DCTD: variants seen among roughly 807,000 people sequenced by gnomAD.
DCTD encodes deoxycytidylate deaminase.
Under a neutral mutation model 21.0 loss-of-function variants are expected in DCTD, and 23 were observed. The observed-to-expected ratio is 1.09, with a 90% confidence interval of 0.79 to 1.55. The LOEUF is 1.55. Ranked by LOEUF, DCTD falls within the 40% of genes most tolerant of loss-of-function variation. The pLI, the probability that DCTD is intolerant of heterozygous loss-of-function variation, is 0.00. For synonymous variants in DCTD, 71 were observed against 81.1 expected, an observed-to-expected ratio of 0.88 and a Z score of 0.67; for missense variants, 224 against 230.0, an observed-to-expected ratio of 0.97 and a Z score of 0.17.
rs1736947623 is a variant in DCTD at position 182,907,546 on chromosome 4, C to A, written c.244+7377G>T. On this transcript the variant is annotated intron_variant, in intron 3 of 5. Coordinates refer to ENST00000438320, the MANE Select transcript of DCTD (RefSeq NM_001921.3). ...TGACTGTCCCCTCCTATTCATGCATCCTATCTCCATATGGTCTATATTCAT... is the reference window on the plus strand; with the variant it reads ...TGACTGTCCCCTCCTATTCATGCATACTATCTCCATATGGTCTATATTCAT... Among the ~76,000 whole-genome samples, 5 of 152,128 alleles carry A rather than the reference C, an allele frequency of 3.3e-5. No homozygotes were observed. The South Asian group carries it at 8.3e-4, about 25-fold the overall frequency.
intron 3 of DCTD, 108 bp downstream of exon 3, chr4:182,914,815 T>C: frequency 1.5e-6 from 2 of 1,304,766 alleles, no homozygotes; most frequent in African/African-American, 1.5e-5. Context: ...TACTTTTCTT[T>C]CCAGTTGTTG....
At chr4:182,907,385 G>A (rs1213218680) in intron 3 of DCTD, among the ~76,000 whole-genome samples, 1 of 152,156 alleles carries the variant, frequency 6.6e-6, no homozygotes, top group Non-Finnish European at 1.5e-5. Flanking sequence ...CGATCCACCT[G>A]CCTCGGCTTC....
At chr4:182,913,396 T>A (rs1738073040) in intron 3 of DCTD, among the ~76,000 whole-genome samples, 1 of 152,224 alleles carries the variant, frequency 6.6e-6, no homozygotes, top group South Asian at 2.1e-4. Flanking sequence ...AGTCCTCAGT[T>A]CCTCCTCTCT....
rs757823170 is a variant in DCTD, at chr4:182,915,524, C to G, written c.45G>C (p.Trp15Cys). The change falls in exon 2 of 6, where the codon TGG becomes TGC. Residue 15 changes from tryptophan (W) to cysteine (C), a missense_variant. Transcript: ENST00000438320. ...SCKKRDDYLE[W>C]PEYFMAVAFL... ...AGGCCACAGCCATAAAATACTCTGGCCATTCCAAATAGTCGTCCCGTTTCT... is the reference window on the plus strand; with the variant it reads ...AGGCCACAGCCATAAAATACTCTGGGCATTCCAAATAGTCGTCCCGTTTCT... 6.8e-6 allele frequency: 11 copies of G among 1,613,796 alleles called. No homozygotes were observed. In the Admixed American group the frequency reaches 1.8e-4, roughly 27 times the overall value.
At chr4:182,894,642 T>A (rs1180671882) in intron 3 of DCTD, 37 bp from the exon 4 acceptor site, 1 of 1,348,054 alleles carries the variant, frequency 7.4e-7, no homozygotes, top group Non-Finnish European at 1.1e-6. Context: ...AAACTTTGGT[T>A]GCAGCTCATG....
intron 3 of DCTD, among the ~76,000 whole-genome samples, chr4:182,904,442 G>A (rs114735317): frequency 5.0e-4 from 76 of 152,306 alleles, no homozygotes; most frequent in African/African-American, 1.7e-3. Context: ...TACTGTGATG[G>A]AGCTTAAAAG....
chr4:182,908,820 A>G (rs1171655952), intron 3 of DCTD, among the ~76,000 whole-genome samples: 14 of 152,126 alleles, frequency 9.2e-5, no homozygotes, highest in Admixed American at 9.2e-4. Context: ...TGCCCCTGAC[A>G]TTTTATCAAG....
At chr4:182,896,400 A>G (rs185687195) in intron 3 of DCTD, among the ~76,000 whole-genome samples, 9 of 152,370 alleles carry the variant, frequency 5.9e-5, no homozygotes, top group African/African-American at 2.2e-4. Context: ...TCCATGTTTT[A>G]GGAGATCTCA....
In DCTD at chr4:182,903,363, C is replaced by G. The variant is rs78010637; in HGVS notation, c.245-8758G>C. On this transcript the variant is annotated intron_variant, in intron 3 of 5. Coordinates refer to ENST00000438320, the MANE Select transcript of DCTD (RefSeq NM_001921.3). ...CAGCCCAGCCCCAGGCAGAGTGTGG[C>G]CTTTCTACTCAGAAGATAAAGTAAC... is the stretch of plus-strand genomic sequence containing the variant. 6.1e-3 allele frequency among the ~76,000 whole-genome samples: 934 copies of G among 152,234 alleles called. 6 individuals carry two copies. The highest frequency in any genetic ancestry group is 0.012 in the South Asian group (56 of 4,824).
At chr4:182,914,234 C>G (rs1738271284) in intron 3 of DCTD, among the ~76,000 whole-genome samples, 1 of 152,222 alleles carries the variant, frequency 6.6e-6, no homozygotes, top group Non-Finnish European at 1.5e-5. Flanking sequence ...TCTCGAACTC[C>G]TGACCTCAGG....
In DCTD at chr4:182,899,934, A is replaced by G. The variant is rs78754747; in HGVS notation, c.245-5329T>C. ...ATTTTAAAATGTTTGCATTATACTT[A>G]CCAGGTGAGCATCCCAAATCCAAAC... On this transcript the variant is annotated intron_variant, in intron 3 of 5. Transcript: ENST00000438320. 5.6e-3 allele frequency among the ~76,000 whole-genome samples: 848 copies of G among 152,288 alleles called. 9 individuals are homozygous for G. Among genetic ancestry groups the G allele is most frequent in the African/African-American group, 0.019 (809 of 41,548 alleles).
chr4:182,905,018 T>C (rs1167030572), intron 3 of DCTD, among the ~76,000 whole-genome samples: 1 of 152,200 alleles, frequency 6.6e-6, no homozygotes, highest in Non-Finnish European at 1.5e-5. Flanking sequence ...CAGATTCTCC[T>C]ATCCTACAAA....
At chr4:182,904,801 C>T (rs1251976198) in intron 3 of DCTD, among the ~76,000 whole-genome samples, 3 of 152,286 alleles carry the variant, frequency 2.0e-5, no homozygotes, top group Non-Finnish European at 2.9e-5. Flanking sequence ...CTCTGCCTTT[C>T]GCTCCAGGAC....
intron 3 of DCTD, among the ~76,000 whole-genome samples, chr4:182,913,086 C>A (rs1738007716): frequency 6.6e-6 from 1 of 152,206 alleles, no homozygotes; most frequent in Admixed American, 6.5e-5. Flanking sequence ...TTGAACCGCA[C>A]TGTGAAAAAT....
rs1336468197 is a variant in DCTD at position 182,915,028 on chromosome 4, T to G, written c.139A>C (p.Lys47Gln). 5 of 1,614,116 alleles carry G rather than the reference T, an allele frequency of 3.1e-6. No homozygotes were observed. In the African/African-American group the frequency reaches 6.7e-5, roughly 22 times the overall value. Residue 47 changes from lysine to glutamine, a missense_variant, in exon 3 of 6, where the codon AAG becomes CAG. Lys to Gln is a moderately conservative substitution (Grantham distance 53). Coordinates refer to ENST00000438320, the MANE Select transcript of DCTD (RefSeq NM_001921.3). The stretch of plus-strand genomic sequence containing the variant: ...CCATTGTACCCAATCCCGACAATCT[T>G]GTTTTCTGAATTCACGATGCAGGCG... Reference protein sequence around the residue: ...VGACIVNSENKIVGIGYNGMP... With the variant: ...VGACIVNSENQIVGIGYNGMP...
chr4:182,917,406 G>A (rs1738939838), upstream of DCTD: 2 of 1,057,794 alleles, frequency 1.9e-6, no homozygotes, highest in African/African-American at 1.7e-5. This position sits in a 1 kb window ranked among gnomAD's most constrained non-coding sequence, Gnocchi z 4.9. Context: ...CCGCCGCGGG[G>A]CCGGAAGGGG....
In DCTD at chr4:182,893,131, T is replaced by C; in HGVS notation, c.362-4A>G. 6.4e-7 allele frequency: 1 copy of C among 1,565,598 alleles called. No homozygotes were observed. The highest frequency in any genetic ancestry group is 1.1e-5 in the South Asian group (1 of 89,070). Reference sequence around the variant, plus strand: ...ATGAAAATCACTTCTTTTATACCTGTAAGGTAACAATGGGAGCTCCCTTAG... The same window carrying C: ...ATGAAAATCACTTCTTTTATACCTGCAAGGTAACAATGGGAGCTCCCTTAG... On this transcript the variant is annotated splice_polypyrimidine_tract_variant and splice_region_variant and intron_variant, in intron 4 of 5. Transcript: ENST00000438320.
intron 5 of DCTD, among the ~76,000 whole-genome samples, chr4:182,891,957 C>CA (rs1733836969): frequency 7.6e-6 from 1 of 130,960 alleles, no homozygotes; most frequent in Non-Finnish European, 1.6e-5. Context: ...CATAAACCAA[C>CA]TTTTTTTTTT....
intron 3 of DCTD, among the ~76,000 whole-genome samples, chr4:182,895,086 G>A (rs1561318794): frequency 6.6e-6 from 1 of 152,192 alleles, no homozygotes; most frequent in Non-Finnish European, 1.5e-5. Context: ...AAGGAAAAAC[G>A]CCAGCAGCCA....
Sources: gnomAD v4.1 joint callset for allele counts (sites outside exome capture counted in the v4.1 genomes callset) on GRCh38, gnomAD v4.1.1 for gene constraint, Gnocchi (gnomAD v3.1) non-coding constraint, MANE v1.5 for transcripts, NCBI Gene and HGNC (gene_info 2026-07-23, HGNC 2026-07-21) for gene names.